The following PDE4D variants were observed in gnomAD, a reference collection of about 807,000 sequenced individuals.
The protein encoded by PDE4D is phosphodiesterase 4D.
In PDE4D, 24 loss-of-function variants were observed where a neutral mutation model predicts 87.4. The observed-to-expected ratio is 0.27, with a 90% CI of 0.20 to 0.39. The LOEUF (loss-of-function observed/expected upper bound fraction) is 0.39, where lower values mean the gene tolerates loss of function less well. PDE4D is among the 10% of genes least tolerant of loss of function. The pLI, the probability that PDE4D is intolerant of heterozygous loss-of-function variation, is 1.00. For missense variants in PDE4D, 714 were observed against 1,041.0 expected, an observed-to-expected ratio of 0.69 and a Z score of 4.32; for synonymous variants, 384 against 383.2, an observed-to-expected ratio of 1.00 and a Z score of -0.02.
intron 6 of PDE4D, among the ~76,000 whole-genome samples, chr5:59,031,079 A>G (rs1404260973): frequency 1.3e-5 from 2 of 152,076 alleles, no homozygotes; most frequent in Admixed American, 1.3e-4. Context: ...ATGAATGATA[A>G]CAAGTGTTGG....
chr5:59,574,027 T>TATA (rs1822384154), intron 1 of PDE4D, among the ~76,000 whole-genome samples: 2 of 120,186 alleles, frequency 1.7e-5, no homozygotes, highest in African/African-American at 6.9e-5. Flanking sequence ...TATATATATA[T>TATA]AAAAATATAT....
chr5:59,743,858 T>C (rs994932996), intron 1 of PDE4D, among the ~76,000 whole-genome samples: 1 of 152,224 alleles, frequency 6.6e-6, no homozygotes, highest in Admixed American at 6.5e-5. Context: ...CACAGAACTG[T>C]GTTCTTTAGG....
Position 59,942,209 on chromosome 5 carries a change from G to A in PDE4D, c.272+46279C>T, listed in dbSNP as rs76906193. ...TTAGGATCATTTCCAGAGGATTTAA[G>A]TGCTTGGAGTTTTTATTTGTTTGAT... On this transcript the variant is annotated intron_variant, in intron 3 of 16. Transcript: ENST00000502484. Among the ~76,000 whole-genome samples, 241 of 152,306 alleles carry A rather than the reference G, an allele frequency of 1.6e-3. 6 individuals are homozygous for A. The East Asian group carries it at 0.039, about 25-fold the overall frequency.
Position 59,254,529 on chromosome 5 carries a change from C to T in PDE4D, c.456-38561G>A, listed in dbSNP as rs550623137. Among the ~76,000 whole-genome samples the T allele has an allele frequency of 2.6e-3, 388 of 152,002 alleles. 2 individuals are homozygous for T. Among genetic ancestry groups the T allele is most frequent in the African/African-American group, 8.9e-3 (369 of 41,480 alleles). On this transcript the variant is annotated intron_variant, in intron 1 of 14. Coordinates refer to ENST00000340635, the MANE Select transcript of PDE4D (RefSeq NM_001104631.2). ...TACAGCACTAAGCACCTCATGGTGC[C>T]GGATGACTCAAACAAAGCACAGGTC... is the stretch of plus-strand genomic sequence containing the variant.
chr5:59,356,638 T>C (rs993363404), intron 1 of PDE4D: 5 of 735,440 alleles, frequency 6.8e-6, no homozygotes, highest in Non-Finnish European at 1.0e-5. Flanking sequence ...TCTTATTTAA[T>C]ATATTGTCAA....
chr5:59,478,368 C>CT (rs1299603992), intron 1 of PDE4D, among the ~76,000 whole-genome samples: 1 of 151,902 alleles, frequency 6.6e-6, no homozygotes, highest in Non-Finnish European at 1.5e-5. Flanking sequence ...AACAACATTA[C>CT]TTTTTTCAGA....
At chr5:60,183,220 TTG>T (rs575905382) in intron 2 of PDE4D, among the ~76,000 whole-genome samples, 17 of 152,196 alleles carry the variant, frequency 1.1e-4, no homozygotes, top group Non-Finnish European at 2.1e-4. Context: ...GCCTGCAGAA[TTG>T]TGATAAAATA....
chr5:59,915,873 TC>T (rs1753982711), intron 3 of PDE4D, among the ~76,000 whole-genome samples: 1 of 152,242 alleles, frequency 6.6e-6, no homozygotes, highest in South Asian at 2.1e-4. Context: ...GTGGGGGTTC[TC>T]TTGTACATAA....
chr5:59,326,631 A>G (rs1360148470), intron 1 of PDE4D, among the ~76,000 whole-genome samples: 2 of 152,176 alleles, frequency 1.3e-5, no homozygotes, highest in Non-Finnish European at 2.9e-5. Flanking sequence ...TTATATTTCC[A>G]CTGGGTAGCA....
chr5:59,251,760 C>T (rs912203740), intron 1 of PDE4D, among the ~76,000 whole-genome samples: 7 of 151,910 alleles, frequency 4.6e-5, no homozygotes, highest in South Asian at 2.1e-4. Flanking sequence ...ACAATAGTAA[C>T]GACATGGAAT....
chr5:60,285,599 T>C (rs996457814), intron 1 of PDE4D, among the ~76,000 whole-genome samples: 1 of 151,666 alleles, frequency 6.6e-6, no homozygotes, highest in Non-Finnish European at 1.5e-5. Flanking sequence ...AAAATGAAAT[T>C]TCAAAAAAAT....
intron 3 of PDE4D, among the ~76,000 whole-genome samples, chr5:59,189,327 G>A (rs1283886031): frequency 7.4e-6 from 1 of 135,512 alleles, no homozygotes; most frequent in Non-Finnish European, 1.5e-5. Flanking sequence ...TCGGCTCACT[G>A]CAACCTCTGC....
At chr5:59,387,121 G>A (rs1310298566) in intron 1 of PDE4D, among the ~76,000 whole-genome samples, 1 of 151,972 alleles carries the variant, frequency 6.6e-6, no homozygotes, top group African/African-American at 2.4e-5. Flanking sequence ...CTCTAGTTCA[G>A]CATGTGCCAT....
chr5:60,465,350 C>T (rs2068794873), intron 1 of PDE4D, among the ~76,000 whole-genome samples: 1 of 152,112 alleles, frequency 6.6e-6, no homozygotes, highest in African/African-American at 2.4e-5. Context: ...GCTCACCCTC[C>T]ATAAGTCAAG....
chr5:59,364,054 A>G (rs948003869), intron 1 of PDE4D, among the ~76,000 whole-genome samples: 18 of 152,188 alleles, frequency 1.2e-4, no homozygotes, highest in Non-Finnish European at 2.1e-4. Context: ...AGAAATCCAG[A>G]TGTTTGAGTA....
chr5:60,091,907 C>T (rs1009547850), intron 2 of PDE4D, among the ~76,000 whole-genome samples: 45 of 151,178 alleles, frequency 3.0e-4, no homozygotes, highest in African/African-American at 9.7e-4. Context: ...AAAAATTAGC[C>T]GGGCATGGTG....
intron 6 of PDE4D, chr5:58,999,893 A>G (rs1750126933): frequency 2.0e-6 from 2 of 986,408 alleles, no homozygotes; most frequent in Non-Finnish European, 2.4e-6. Flanking sequence ...CTTAGTTGCA[A>G]GAAAGGCTAG....
At chr5:59,500,228 C>A (rs1304168421) in intron 1 of PDE4D, among the ~76,000 whole-genome samples, 1 of 152,156 alleles carries the variant, frequency 6.6e-6, no homozygotes, top group Non-Finnish European at 1.5e-5. Flanking sequence ...ATAGAACCAC[C>A]ATTTGACCCT....
intron 1 of PDE4D, among the ~76,000 whole-genome samples, chr5:59,331,271 C>T (rs1204803462): frequency 6.6e-6 from 1 of 152,136 alleles, no homozygotes; most frequent in East Asian, 1.9e-4. Context: ...TAAAACAGTT[C>T]CGGAGGCCAG....
Sources: allele counts gnomAD v4.1 joint callset (sites outside exome capture counted in the v4.1 genomes callset), GRCh38; gene constraint gnomAD v4.1.1; transcripts MANE v1.5; gene names NCBI Gene and HGNC (gene_info 2026-07-23, HGNC 2026-07-21).